Variants in CXCL13 observed in about 807,000 individuals in gnomAD.
CXCL13 encodes C-X-C motif chemokine ligand 13, also known as C-X-C motif chemokine 13.
In CXCL13, 7 loss-of-function variants were observed where a neutral mutation model predicts 12.2. The ratio of observed to expected loss-of-function variants is 0.57; its 90% CI spans 0.33 to 1.07. The LOEUF (loss-of-function observed/expected upper bound fraction) is 1.07, where lower values mean the gene tolerates loss of function less well. Among genes scored for constraint, CXCL13 ranks in the 50% least tolerant of loss-of-function variants. The probability of loss-of-function intolerance (pLI) is 0.04; values close to 1 mark genes in which losing one functional copy is unlikely to be tolerated. For synonymous variants in CXCL13, 47 were observed against 42.4 expected (o/e 1.11, Z -0.42); for missense variants, 113 against 127.4 (o/e 0.89, Z 0.55).
At chr4:77,534,967 G>A (rs1219108161) in intron 1 of CXCL13, among the ~76,000 whole-genome samples, 2 of 152,182 alleles carry the variant, frequency 1.3e-5, no homozygotes, top group Non-Finnish European at 2.9e-5. Context: ...AGTAAATTCT[G>A]CCTTCCACCC....
At chr4:77,525,932 T>A (rs1724752760) in intron 1 of CXCL13, among the ~76,000 whole-genome samples, 1 of 151,376 alleles carries the variant, frequency 6.6e-6, no homozygotes, top group South Asian at 2.1e-4. Context: ...TTTTTTTTTA[T>A]TATTTTTGCC....
At chr4:77,521,251 C>T (rs1233011041) in intron 1 of CXCL13, among the ~76,000 whole-genome samples, 1 of 152,120 alleles carries the variant, frequency 6.6e-6, no homozygotes, top group Non-Finnish European at 1.5e-5. Flanking sequence ...AGGGAGGACT[C>T]CCTCTTTTTC....
chr4:77,519,599 A>G (rs1186150536), intron 1 of CXCL13, among the ~76,000 whole-genome samples: 2 of 152,102 alleles, frequency 1.3e-5, no homozygotes, highest in African/African-American at 2.4e-5. Flanking sequence ...AGTTCTTTGT[A>G]GATTCTGGAT....
chr4:77,570,231 C>A (rs1355866694), intron 1 of CXCL13, among the ~76,000 whole-genome samples: 2 of 152,096 alleles, frequency 1.3e-5, no homozygotes, highest in African/African-American at 4.8e-5. Context: ...TTGAAGATGC[C>A]AAAAGCAATT....
intron 1 of CXCL13, among the ~76,000 whole-genome samples, chr4:77,516,218 TA>T (rs1724415290): frequency 6.6e-6 from 1 of 152,224 alleles, no homozygotes; most frequent in South Asian, 2.1e-4. Flanking sequence ...GCCAGTTTTT[TA>T]TTGAGGATTT....
chr4:77,604,304 A>G (rs1451135639), upstream of CXCL13, among the ~76,000 whole-genome samples: 1 of 152,068 alleles, frequency 6.6e-6, no homozygotes, highest in Non-Finnish European at 1.5e-5. Context: ...CCAGATCAGC[A>G]TTGCAATCTG....
chr4:77,535,454 C>G (rs1725037988), intron 1 of CXCL13, among the ~76,000 whole-genome samples: 4 of 152,162 alleles, frequency 2.6e-5, no homozygotes, highest in African/African-American at 9.7e-5. Context: ...CATTCTCATC[C>G]CACATGCTGT....
In CXCL13 at chr4:77,550,605, G is replaced by A. The variant is rs186845985; in HGVS notation, c.-43+38817G>A. The stretch of plus-strand genomic sequence containing the variant: ...GAAAAATATATAATCTGTAGTTGAT[G>A]GGAGGAGTATTCTGTAGATGTCCTA... On this transcript the variant is annotated intron_variant, in intron 1 of 4. Transcript: ENST00000286758. Among the ~76,000 whole-genome samples, 4 of 152,286 alleles carry A rather than the reference G, an allele frequency of 2.6e-5. No homozygotes were observed. The East Asian group carries it at 7.7e-4, about 29-fold the overall frequency.
At chr4:77,545,660 G>T (rs753483385) in intron 1 of CXCL13, among the ~76,000 whole-genome samples, 1 of 152,060 alleles carries the variant, frequency 6.6e-6, no homozygotes, top group Non-Finnish European at 1.5e-5. Context: ...GAGATGACGG[G>T]GTTTTCTAAA....
chr4:77,549,767 A>T (rs755936709), intron 1 of CXCL13, among the ~76,000 whole-genome samples: 1 of 152,140 alleles, frequency 6.6e-6, no homozygotes, highest in African/African-American at 2.4e-5. Flanking sequence ...CTACTGGGAG[A>T]TGTCTCCCAG....
chr4:77,518,137 G>A (rs1411997017), intron 1 of CXCL13, among the ~76,000 whole-genome samples: 1 of 152,146 alleles, frequency 6.6e-6, no homozygotes, highest in African/African-American at 2.4e-5. Flanking sequence ...CTCTCTTCTG[G>A]CTTGTAGAGT....
intron 1 of CXCL13, among the ~76,000 whole-genome samples, chr4:77,588,121 A>G (rs746376330): frequency 7.1e-6 from 1 of 141,112 alleles, no homozygotes; most frequent in Non-Finnish European, 1.5e-5. Context: ...TTCTTTTCTG[A>G]CCCTACAAAG....
At chr4:77,512,610 T>C (rs561195277) in intron 1 of CXCL13, among the ~76,000 whole-genome samples, 36 of 152,284 alleles carry the variant, frequency 2.4e-4, no homozygotes, top group African/African-American at 8.4e-4. Context: ...CCAGTCATAT[T>C]GGATTAGGGC....
intron 1 of CXCL13, among the ~76,000 whole-genome samples, chr4:77,534,161 C>T (rs964166823): frequency 5.3e-5 from 8 of 152,154 alleles, no homozygotes; most frequent in Non-Finnish European, 8.8e-5. Flanking sequence ...TGTTCCTATT[C>T]GACCATCTTG....
At chr4:77,525,875 T>C (rs72861907) in intron 1 of CXCL13, among the ~76,000 whole-genome samples, 1,804 of 151,902 alleles carry the variant, frequency 0.012, 31 homozygotes, top group African/African-American at 0.04. Flanking sequence ...AAAATTTTCC[T>C]CTAAACTTTT....
intron 1 of CXCL13, among the ~76,000 whole-genome samples, chr4:77,546,658 C>T (rs1433552016): frequency 4.6e-5 from 7 of 151,942 alleles, no homozygotes; most frequent in Non-Finnish European, 7.4e-5. Flanking sequence ...GTCTTGCTAG[C>T]GGTCTATTTT....
chr4:77,580,308 CTTTTTTTTTTTTTTTTTTTTTTTTTT>C (rs1015001550), intron 1 of CXCL13, among the ~76,000 whole-genome samples: 2 of 17,632 alleles, frequency 1.1e-4, no homozygotes, highest in Middle Eastern at 0.062. Flanking sequence ...AGTTTTCTTT[CTTTTTTTTTTTTTTTTTTTTTTTTTT>C]TTTTTTTTTT....
At chr4:77,532,244 G>A (rs1316937325) in intron 1 of CXCL13, among the ~76,000 whole-genome samples, 1 of 152,068 alleles carries the variant, frequency 6.6e-6, no homozygotes, top group Non-Finnish European at 1.5e-5. Context: ...CAGGCCTGGT[G>A]GTGACAAAAT....
At chr4:77,528,385 A>C (rs371335929) in intron 1 of CXCL13, among the ~76,000 whole-genome samples, 2 of 152,150 alleles carry the variant, frequency 1.3e-5, no homozygotes, top group Admixed American at 6.5e-5. Context: ...CTAGTTTACA[A>C]TCCCACCAAC....
Sources: gnomAD v4.1 joint callset for allele counts (sites outside exome capture counted in the v4.1 genomes callset) on GRCh38, gnomAD v4.1.1 for gene constraint, MANE v1.5 for transcripts, NCBI Gene and HGNC (gene_info 2026-07-23, HGNC 2026-07-21) for gene names.